The following TRIM5 variants were observed in gnomAD, a reference collection of about 807,000 sequenced individuals.
The protein encoded by TRIM5 is tripartite motif-containing protein 5.
A neutral mutation model predicts 35.6 loss-of-function variants in TRIM5; 31 were observed. The observed-to-expected ratio is 0.87, with a 90% CI of 0.65 to 1.18. The LOEUF is 1.18. Ranked by LOEUF, TRIM5 falls within the 50% of genes most tolerant of loss-of-function variation. The probability of loss-of-function intolerance (pLI) is 0.00; values close to 1 mark genes in which losing one functional copy is unlikely to be tolerated. For synonymous variants in TRIM5, 243 were observed against 215.6 expected (o/e 1.13, Z -1.11); for missense variants, 609 against 591.6 (o/e 1.03, Z -0.31).
the TRIM5 span, chr11:5,604,445 T>A: frequency 7.1e-7 from 1 of 1,403,636 alleles, no homozygotes; most frequent in East Asian, 2.4e-5. Flanking sequence ...CTTTTGAGGT[T>A]AGCAGAATCT....
At chr11:5,639,091 A>G in the TRIM5 span, among the ~76,000 whole-genome samples, 1 of 152,162 alleles carries the variant, frequency 6.6e-6, no homozygotes, top group Non-Finnish European at 1.5e-5. Context: ...TTGTATGTCT[A>G]AGAATGCTTT....
At chr11:5,605,011 G>A in the TRIM5 span, among the ~76,000 whole-genome samples, 95,765 of 151,928 alleles carry the variant, frequency 0.63, 30,548 homozygotes, top group South Asian at 0.75. Flanking sequence ...ACAGGCCAGT[G>A]ATTTCCACCT....
chr11:5,596,812 A>C, the TRIM5 span: 21 of 1,606,848 alleles, frequency 1.3e-5, no homozygotes, highest in Non-Finnish European at 1.6e-5. Context: ...CCTTAAGATT[A>C]GTTTAAGGTG....
At position 5,678,370 on chromosome 11, in the gene TRIM5, T is replaced by G. The variant is rs1333388895; in HGVS notation, c.578A>C (p.Asp193Ala). 6.2e-7 allele frequency: 1 copy of G among 1,608,832 alleles called. No homozygotes were observed. The highest frequency in any genetic ancestry group is 2.2e-5 in the East Asian group (1 of 44,744). ...TTGCAGCTCATTGCTCTCCTCCCAG[T>G]CCAGGATGTCTCTCAGTTGCTCAAA... Reference protein sequence around the residue: ...ADFEQLRDILDWEESNELQNL... With the variant: ...ADFEQLRDILAWEESNELQNL... The change falls in exon 4 of 8, where the codon GAC (aspartate) becomes GCC (alanine). Residue 193 changes from aspartate (D) to alanine (A), a missense_variant. By Grantham distance (126) the Asp-to-Ala change is moderately radical (BLOSUM62 -2). Transcript: ENST00000380034.
chr11:5,642,566 T>G, the TRIM5 span: 1 of 1,570,464 alleles, frequency 6.4e-7, no homozygotes, highest in Non-Finnish European at 8.7e-7. Flanking sequence ...GGTAATAAAC[T>G]GTCTAGGTGG....
At chr11:5,621,956 C>T in the TRIM5 span, among the ~76,000 whole-genome samples, 1 of 152,118 alleles carries the variant, frequency 6.6e-6, no homozygotes, top group Non-Finnish European at 1.5e-5. Context: ...ACCTTGGGCA[C>T]ATGTTGTCAG....
the TRIM5 span, among the ~76,000 whole-genome samples, chr11:5,620,398 C>T: frequency 1.3e-5 from 2 of 151,218 alleles, no homozygotes; most frequent in African/African-American, 4.9e-5. Flanking sequence ...AGATTGGTCT[C>T]GAATTCCTTG....
At chr11:5,609,063 T>C in the TRIM5 span, among the ~76,000 whole-genome samples, 1 of 152,058 alleles carries the variant, frequency 6.6e-6, no homozygotes, top group South Asian at 2.1e-4. Context: ...AGATTTTCTT[T>C]TGTCTCAATT....
chr11:5,680,374 T>C (rs570228775), intron 1 of TRIM5, 136 bp from the exon 2 acceptor site: 24 of 560,518 alleles, frequency 4.3e-5, no homozygotes, highest in African/African-American at 4.2e-4. Flanking sequence ...AGAAAAGGTG[T>C]TTGGTTACCT....
rs935547858 is a variant in TRIM5 at position 5,664,418 on chromosome 11, T to G, written c.*391A>C. 2.0e-6 allele frequency: 2 copies of G among 1,008,022 alleles called. No individual in the cohort carries two copies. Among genetic ancestry groups the G allele is most frequent in the South Asian group, 4.2e-5 (1 of 24,016 alleles). 62.4% of individuals were successfully genotyped at this position (1,008,022 alleles called of 1,614,324 possible). Reference sequence around the variant, plus strand: ...GGTAAACTGACACAGGGCTAAGGACTCATTCATTGGTGAACAATTATCACA... The same window carrying G: ...GGTAAACTGACACAGGGCTAAGGACGCATTCATTGGTGAACAATTATCACA... On this transcript the variant is annotated 3_prime_UTR_variant, in exon 8 of 8. Transcript: ENST00000380034.
chr11:5,604,940 A>C, the TRIM5 span: 1 of 446,476 alleles, frequency 2.2e-6, no homozygotes, highest in East Asian at 4.5e-5. Flanking sequence ...TTCAGAGTAC[A>C]AATGCAAGGG....
chr11:5,661,014 C>T (rs1382549768), downstream of TRIM5, among the ~76,000 whole-genome samples: 11 of 119,090 alleles, frequency 9.2e-5, no homozygotes, highest in Non-Finnish European at 1.3e-4. Context: ...TGCACTCCAG[C>T]CTGGGCGACA....
At chr11:5,593,515 C>A in the TRIM5 span, among the ~76,000 whole-genome samples, 1 of 151,826 alleles carries the variant, frequency 6.6e-6, no homozygotes, top group Non-Finnish European at 1.5e-5. Flanking sequence ...CACAGAAAAT[C>A]TATCTCCTGA....
chr11:5,601,657 CTGAGGCACGA>C, the TRIM5 span, among the ~76,000 whole-genome samples: 2 of 152,094 alleles, frequency 1.3e-5, no homozygotes, highest in Non-Finnish European at 2.9e-5. Context: ...ACTCAGGAGG[CTGAGGCACGA>C]GAATCGCTTG....
At chr11:5,631,783 A>C in the TRIM5 span, among the ~76,000 whole-genome samples, 1 of 152,244 alleles carries the variant, frequency 6.6e-6, no homozygotes, top group Non-Finnish European at 1.5e-5. Flanking sequence ...TTTATCAAAC[A>C]TTGTGCTTCT....
the TRIM5 span, among the ~76,000 whole-genome samples, chr11:5,654,412 G>A: frequency 6.6e-6 from 1 of 152,190 alleles, no homozygotes; most frequent in Non-Finnish European, 1.5e-5. Context: ...TTATTTGGCT[G>A]TATTCAACAT....
At chr11:5,596,774 G>A in the TRIM5 span, 1 of 1,484,970 alleles carries the variant, frequency 6.7e-7, no homozygotes, top group Non-Finnish European at 9.3e-7. Flanking sequence ...GTTGAGTTTA[G>A]ATAAAAGCCG....
chr11:5,667,556 A>G, intron 5 of TRIM5, 133 bp downstream of exon 5: 1 of 983,400 alleles, frequency 1.0e-6, no homozygotes, highest in Non-Finnish European at 1.5e-6. Context: ...ATGACCAGAA[A>G]TTTATGATAA....
chr11:5,611,329 G>A, the TRIM5 span: 8 of 1,612,766 alleles, frequency 5.0e-6, no homozygotes, highest in East Asian at 4.5e-5. Context: ...ACCCTGCGTC[G>A]TCCAAGCTCT....
Sources: gnomAD v4.1 joint callset for allele counts (sites outside exome capture counted in the v4.1 genomes callset) on GRCh38, gnomAD v4.1.1 for gene constraint, MANE v1.5 for transcripts, NCBI Gene and HGNC (gene_info 2026-07-23, HGNC 2026-07-21) for gene names.